Variants in COL10A1 observed in about 807,000 individuals in gnomAD.
The protein encoded by COL10A1 is collagen type X alpha 1 chain, also known as collagen alpha-1(X) chain.
A neutral mutation model predicts 18.2 loss-of-function variants in COL10A1; 10 were observed. The observed-to-expected ratio is 0.55, with a 90% confidence interval of 0.34 to 0.93. The LOEUF (loss-of-function observed/expected upper bound fraction) is 0.93. COL10A1 is among the 40% of genes least tolerant of loss of function. The probability of loss-of-function intolerance (pLI) is 0.02; values close to 1 mark genes in which losing one functional copy is unlikely to be tolerated. For synonymous variants in COL10A1, 330 were observed against 316.6 expected, an observed-to-expected ratio of 1.04 and a Z score of -0.45; for missense variants, 897 against 853.5, an observed-to-expected ratio of 1.05 and a Z score of -0.64.
rs1244887581 is a variant in COL10A1 at position 116,134,406 on chromosome 6, T to C, written c.-15-8899A>G. Reference sequence around the variant, plus strand: ...ATCATGAAATGGTGTTTTCTCATACTTTATACTCTTTCCTGAACGTAATTC... The same window carrying C: ...ATCATGAAATGGTGTTTTCTCATACCTTATACTCTTTCCTGAACGTAATTC... On this transcript the variant is annotated intron_variant, in intron 1 of 1. Coordinates refer to the COL10A1 transcript ENST00000418500. Among the ~76,000 whole-genome samples the C allele has an allele frequency of 2.0e-5, 3 of 152,360 alleles. No individual in the cohort carries two copies. In the South Asian group the frequency reaches 6.2e-4, roughly 32 times the overall value.
At chr6:116,203,556 AT>A in the COL10A1 span, among the ~76,000 whole-genome samples, 1 of 151,816 alleles carries the variant, frequency 6.6e-6, no homozygotes, top group Non-Finnish European at 1.5e-5. Flanking sequence ...TAATTCATTA[AT>A]TTTCATTGCT....
At chr6:116,127,267 C>A (rs1475671948), upstream of COL10A1, among the ~76,000 whole-genome samples, 1 of 152,094 alleles carries the variant, frequency 6.6e-6, no homozygotes, top group African/African-American at 2.4e-5. Flanking sequence ...CCCTTTCTCT[C>A]CCCTTCAAGC....
the COL10A1 span, among the ~76,000 whole-genome samples, chr6:116,199,909 T>G: frequency 6.6e-6 from 1 of 151,776 alleles, no homozygotes; most frequent in African/African-American, 2.4e-5. Flanking sequence ...TATGCACACA[T>G]TTTACCTTCA....
chr6:116,124,000 T>G (rs1008028610), intron 2 of COL10A1, among the ~76,000 whole-genome samples: 4 of 152,200 alleles, frequency 2.6e-5, no homozygotes, highest in Non-Finnish European at 5.9e-5. Flanking sequence ...ATTGTGTTTG[T>G]TGCTTCAAGT....
chr6:116,121,027 C>T lies in COL10A1; in HGVS notation c.1089G>A (p.Glu363=). Residue 363 remains glutamate, a synonymous_variant, in exon 3 of 3, where the codon GAG becomes GAA. Transcript: ENST00000651968. ...GSHGLPGPKG[E]TGPAGPAGYP... is the part of the protein sequence containing the mutation. The stretch of plus-strand genomic sequence containing the variant: ...ATCCTGCAGGCCCAGCTGGCCCTGT[C>T]TCACCTTTAGGGCCTGGGAGACCAT... The T allele has an allele frequency of 6.2e-7, 1 of 1,613,918 alleles. No individual in the cohort carries two copies. Among genetic ancestry groups the T allele is most frequent in the Non-Finnish European group, 8.5e-7 (1 of 1,179,904 alleles).
chr6:116,186,162 A>G, the COL10A1 span, among the ~76,000 whole-genome samples: 1 of 151,828 alleles, frequency 6.6e-6, no homozygotes, highest in Non-Finnish European at 1.5e-5. Flanking sequence ...TTCTTATATG[A>G]TAATTATTTT....
At chr6:116,123,552 A>G (rs1562126335) in intron 2 of COL10A1, among the ~76,000 whole-genome samples, 1 of 152,216 alleles carries the variant, frequency 6.6e-6, no homozygotes, top group Non-Finnish European at 1.5e-5. Context: ...ATAATTTAGT[A>G]TGTTTTGACA....
the COL10A1 span, among the ~76,000 whole-genome samples, chr6:116,180,334 C>G: frequency 6.6e-6 from 1 of 151,926 alleles, no homozygotes; most frequent in Non-Finnish European, 1.5e-5. Context: ...CGCAAGGTAA[C>G]TCATTGGTGC....
chr6:116,189,296 A>AT, the COL10A1 span, among the ~76,000 whole-genome samples: 1 of 151,520 alleles, frequency 6.6e-6, no homozygotes, highest in South Asian at 2.1e-4. Flanking sequence ...GCATGTGTAT[A>AT]TTTTTTCCCT....
intron 1 of COL10A1, among the ~76,000 whole-genome samples, chr6:116,150,434 G>A (rs145852023): frequency 0.017 from 2,510 of 152,030 alleles, 39 homozygotes; most frequent in Middle Eastern, 0.034. Context: ...ACAGGTGCCC[G>A]CCACCACACC....
chr6:116,152,865 C>T (rs1340967346), intron 1 of COL10A1, among the ~76,000 whole-genome samples: 1 of 152,106 alleles, frequency 6.6e-6, no homozygotes, highest in East Asian at 1.9e-4. Context: ...TATATTGCCT[C>T]TGAGTTCTTG....
chr6:116,210,653 A>G, the COL10A1 span, among the ~76,000 whole-genome samples: 18 of 152,018 alleles, frequency 1.2e-4, no homozygotes, highest in Non-Finnish European at 2.1e-4. Context: ...TGGCAAAAAT[A>G]AGCACTCAGA....
At chr6:116,174,977 A>G in the COL10A1 span, among the ~76,000 whole-genome samples, 1 of 152,194 alleles carries the variant, frequency 6.6e-6, no homozygotes, top group African/African-American at 2.4e-5. Context: ...TAGGTTATTG[A>G]ATGACCATAA....
the COL10A1 span, among the ~76,000 whole-genome samples, chr6:116,196,586 A>G: frequency 6.6e-6 from 1 of 152,064 alleles, no homozygotes; most frequent in Admixed American, 6.6e-5. Context: ...ATCAAATTAT[A>G]TATAGTATAT....
At chr6:116,136,486 AAATG>A (rs927699703) in intron 1 of COL10A1, among the ~76,000 whole-genome samples, 6 of 152,142 alleles carry the variant, frequency 3.9e-5, no homozygotes, top group African/African-American at 1.4e-4. Context: ...TAAAAGAAGA[AAATG>A]AAGCTTATTA....
upstream of COL10A1, among the ~76,000 whole-genome samples, chr6:116,160,289 C>G (rs1780297558): frequency 6.6e-6 from 1 of 151,996 alleles, no homozygotes; most frequent in South Asian, 2.1e-4. Context: ...TATCTATTGG[C>G]TTTTTTCATA....
the COL10A1 span, among the ~76,000 whole-genome samples, chr6:116,199,013 T>A: frequency 3.4e-3 from 516 of 152,160 alleles, 4 homozygotes; most frequent in Non-Finnish European, 4.0e-3. Flanking sequence ...GGAGGAGCTG[T>A]TCTGTGCATT....
chr6:116,127,167 T>C (rs1779338404), upstream of COL10A1, among the ~76,000 whole-genome samples: 1 of 152,162 alleles, frequency 6.6e-6, no homozygotes. Context: ...CTCCACAGAA[T>C]TAAAGTAGTA....
the COL10A1 span, among the ~76,000 whole-genome samples, chr6:116,169,366 CAT>C: frequency 6.6e-6 from 1 of 152,146 alleles, no homozygotes; most frequent in Non-Finnish European, 1.5e-5. Flanking sequence ...AAAATGAAAA[CAT>C]GTTATAGTTT....
Sources: gnomAD v4.1 joint callset for allele counts (sites outside exome capture counted in the v4.1 genomes callset) on GRCh38, gnomAD v4.1.1 for gene constraint, MANE v1.5 for transcripts, NCBI Gene and HGNC (gene_info 2026-07-23, HGNC 2026-07-21) for gene names.